Variants in SMARCC1 observed in about 807,000 individuals in gnomAD.
SMARCC1 encodes SWI/SNF complex subunit SMARCC1.
In SMARCC1, 43 loss-of-function variants were observed where a neutral mutation model predicts 147.4. That is an observed-to-expected ratio of 0.29 (90% CI 0.23 to 0.38). The LOEUF (loss-of-function observed/expected upper bound fraction) is 0.38, where lower values mean the gene tolerates loss of function less well. Among genes scored for constraint, SMARCC1 ranks in the 10% least tolerant of loss-of-function variants. The pLI is 1.00. For synonymous variants in SMARCC1, 495 were observed against 484.4 expected (o/e 1.02, Z -0.29); for missense variants, 1,119 against 1,381.1 (o/e 0.81, Z 3.01).
At chr3:47,648,244 C>T (rs1490403085) in intron 21 of SMARCC1, among the ~76,000 whole-genome samples, 1 of 152,282 alleles carries the variant, frequency 6.6e-6, no homozygotes, top group African/African-American at 2.4e-5. Context: ...ATCTGTATGC[C>T]TCAGCCTCCC....
intron 22 of SMARCC1, among the ~76,000 whole-genome samples, chr3:47,636,790 G>A (rs1335796361): frequency 0.05 from 390 of 7,850 alleles, no homozygotes; most frequent in African/African-American, 0.13. Flanking sequence ...ATATATATAT[G>A]TGTGTGTGTG....
chr3:47,685,380 G>A (rs955432180), intron 14 of SMARCC1, among the ~76,000 whole-genome samples: 4 of 152,060 alleles, frequency 2.6e-5, no homozygotes, highest in African/African-American at 7.2e-5. Flanking sequence ...TTAATCTAGA[G>A]TTAATTTCAA....
chr3:47,778,201 AAC>A lies in SMARCC1; in HGVS notation c.195+3400_195+3401del, dbSNP rs1362975427. ...GCGAGACTCCATCTCAAAAAAAAAA[AAC>A]AAAAAACAAAAAACAAAAAAAACAC... is the stretch of plus-strand genomic sequence containing the variant. On this transcript the variant is annotated intron_variant, in intron 1 of 27. Coordinates refer to ENST00000254480, the MANE Select transcript of SMARCC1 (RefSeq NM_003074.4). Among the ~76,000 whole-genome samples the A allele has an allele frequency of 4.5e-4, 62 of 136,990 alleles. 1 individual carries two copies. Among genetic ancestry groups the A allele is most frequent in the African/African-American group, 1.7e-3 (55 of 32,168 alleles). The allele number at this position is 136,990 out of a possible 152,430, so 89.9% of individuals were successfully genotyped here.
chr3:47,740,386 G>A (rs903454551), intron 3 of SMARCC1, among the ~76,000 whole-genome samples: 18 of 151,204 alleles, frequency 1.2e-4, no homozygotes, highest in Non-Finnish European at 2.4e-4. Context: ...TAGTAGAGAC[G>A]GGGTTTCATC....
intron 7 of SMARCC1, among the ~76,000 whole-genome samples, chr3:47,719,164 T>A (rs936116233): frequency 6.6e-6 from 1 of 152,080 alleles, no homozygotes; most frequent in South Asian, 2.1e-4. Context: ...TCCGCCCGCC[T>A]TGGCCTCCCA....
chr3:47,751,902 T>G (rs1046359763), intron 2 of SMARCC1, among the ~76,000 whole-genome samples: 1 of 151,682 alleles, frequency 6.6e-6, no homozygotes, highest in African/African-American at 2.4e-5. Flanking sequence ...ACCAACATGG[T>G]GAAACTCCAT....
chr3:47,732,086 TA>T (rs1357230963), intron 5 of SMARCC1, among the ~76,000 whole-genome samples: 3 of 152,268 alleles, frequency 2.0e-5, no homozygotes, highest in Admixed American at 2.0e-4. Context: ...TTATCTTTAC[TA>T]AATCTCCTGG....
At chr3:47,743,778 A>ACTC (rs1194158335) in intron 3 of SMARCC1, among the ~76,000 whole-genome samples, 4 of 149,650 alleles carry the variant, frequency 2.7e-5, no homozygotes, top group Non-Finnish European at 5.9e-5. Flanking sequence ...ACACCACTGC[A>ACTC]CTCCGGCCTG....
intron 25 of SMARCC1, among the ~76,000 whole-genome samples, chr3:47,613,800 C>T (rs2032599497): frequency 6.6e-6 from 1 of 152,204 alleles, no homozygotes; most frequent in Non-Finnish European, 1.5e-5. Flanking sequence ...ACTTCCCCTG[C>T]TTTCAAAAAC....
At chr3:47,702,300 C>T (rs2106788634) in intron 10 of SMARCC1, among the ~76,000 whole-genome samples, 1 of 147,400 alleles carries the variant, frequency 6.8e-6, no homozygotes, top group South Asian at 2.1e-4. Context: ...GGACAGAAAT[C>T]TTTACCTCAC....
At chr3:47,707,979 C>T (rs1476269346) in intron 9 of SMARCC1, among the ~76,000 whole-genome samples, 1 of 149,596 alleles carries the variant, frequency 6.7e-6, no homozygotes, top group Non-Finnish European at 1.5e-5. Context: ...TAGCATCAAA[C>T]TGAGAAGCTT....
chr3:47,655,291 G>GGT (rs2033246598), intron 21 of SMARCC1, among the ~76,000 whole-genome samples: 1 of 152,198 alleles, frequency 6.6e-6, no homozygotes, highest in Non-Finnish European at 1.5e-5. Context: ...CTAGCTACTT[G>GGT]GGAAGCTTAG....
chr3:47,702,457 A>G (rs2033935045), intron 10 of SMARCC1, among the ~76,000 whole-genome samples: 1 of 152,180 alleles, frequency 6.6e-6, no homozygotes, highest in South Asian at 2.1e-4. Flanking sequence ...TTGTTTAACA[A>G]TTCACTAAGA....
intron 12 of SMARCC1, among the ~76,000 whole-genome samples, chr3:47,692,410 A>G (rs1327377442): frequency 6.6e-6 from 1 of 152,232 alleles, no homozygotes; most frequent in African/African-American, 2.4e-5. Context: ...ACAAAGTATT[A>G]ACACTCCACA....
intron 5 of SMARCC1, 37 bp from the exon 6 acceptor site, chr3:47,729,131 C>T: frequency 7.2e-7 from 1 of 1,395,346 alleles, no homozygotes; most frequent in South Asian, 1.2e-5. Context: ...AAAAATAAAG[C>T]ACATGGCAAT....
At position 47,672,220 on chromosome 3, in the gene SMARCC1, C is replaced by CTT. The variant is rs879833786; in HGVS notation, c.1840-1505_1840-1504dup. 4.0e-5 allele frequency among the ~76,000 whole-genome samples: 6 copies of CTT among 148,918 alleles called. No individual in the cohort carries two copies. The East Asian group carries it at 9.9e-4, about 25-fold the overall frequency. On this transcript the variant is annotated intron_variant, in intron 18 of 27. Coordinates refer to ENST00000254480, the MANE Select transcript of SMARCC1 (RefSeq NM_003074.4). ...GCTCAGGTCCCCAAGGATTACTTTT[C>CTT]TTTTCTTTTTTTGAGATGGAGTCTC...
intron 2 of SMARCC1, among the ~76,000 whole-genome samples, chr3:47,749,744 G>GACCCTCTAAATTAAACACAC (rs2034607277): frequency 7.0e-6 from 1 of 143,198 alleles, no homozygotes. Flanking sequence ...GACAGAGAGA[G>GACCCTCTAAATTAAACACAC]AGAGAGAGAG....
At chr3:47,745,053 A>C (rs187979319) in intron 3 of SMARCC1, among the ~76,000 whole-genome samples, 1 of 152,296 alleles carries the variant, frequency 6.6e-6, no homozygotes, top group Non-Finnish European at 1.5e-5. Context: ...AGATCGCCTG[A>C]GGTCAGGAGT....
At position 47,779,108 on chromosome 3, in the gene SMARCC1, C is replaced by T. The variant is rs191175642; in HGVS notation, c.195+2495G>A. Among the ~76,000 whole-genome samples, 9 of 151,172 alleles carry T rather than the reference C, an allele frequency of 6.0e-5. No individual in the cohort carries two copies. In the East Asian group the frequency reaches 7.8e-4, roughly 13 times the overall value. On this transcript the variant is annotated intron_variant, in intron 1 of 27. Transcript: ENST00000254480. ...TTAAGTGAGTTATACTTTAAGTACC[C>T]GGCACATGGTAAATGCTCAGTTGTT...
Sources: allele counts gnomAD v4.1 joint callset (sites outside exome capture counted in the v4.1 genomes callset), GRCh38; gene constraint gnomAD v4.1.1; transcripts MANE v1.5; gene names NCBI Gene and HGNC (gene_info 2026-07-23, HGNC 2026-07-21).